DIXDC1: variants seen among roughly 807,000 people sequenced by gnomAD.
The protein encoded by DIXDC1 is DIX domain containing 1, also known as dixin.
DIXDC1 carries 64 observed loss-of-function variants against 103.1 expected under a neutral mutation model. The ratio of observed to expected loss-of-function variants is 0.62; its 90% CI spans 0.51 to 0.76. The LOEUF is 0.76. Among genes scored for constraint, DIXDC1 ranks in the 30% least tolerant of loss-of-function variants. The pLI is 0.00. For missense variants in DIXDC1, 759 were observed against 834.2 expected (o/e 0.91, Z 1.11); for synonymous variants, 266 against 298.5 (o/e 0.89, Z 1.12).
At chr11:111,945,044 C>T (rs587774805) in intron 1 of DIXDC1, among the ~76,000 whole-genome samples, 11 of 152,180 alleles carry the variant, frequency 7.2e-5, no homozygotes, top group African/African-American at 1.2e-4. Context: ...AGGAAGTGGA[C>T]GTTATTGACT....
intron 9 of DIXDC1, among the ~76,000 whole-genome samples, chr11:111,987,956 C>T (rs782053291): frequency 7.9e-5 from 12 of 151,584 alleles, no homozygotes; most frequent in African/African-American, 1.2e-4. Context: ...TGTGCCTGGC[C>T]GACATGAATT....
intron 17 of DIXDC1, among the ~76,000 whole-genome samples, chr11:112,000,658 T>C (rs917579406): frequency 6.7e-6 from 1 of 150,338 alleles, no homozygotes; most frequent in Non-Finnish European, 1.5e-5. Context: ...GATTGTGCCA[T>C]TGCACTCCAG....
At chr11:111,956,165 CTAAAG>C (rs1452522824) in intron 1 of DIXDC1, among the ~76,000 whole-genome samples, 3 of 152,090 alleles carry the variant, frequency 2.0e-5, no homozygotes, top group Non-Finnish European at 4.4e-5. Flanking sequence ...TATGAAGTAT[CTAAAG>C]TAGTCAGTTC....
intron 17 of DIXDC1, among the ~76,000 whole-genome samples, chr11:112,009,502 C>CA (rs1172984418): frequency 5.9e-5 from 9 of 151,670 alleles, no homozygotes; most frequent in East Asian, 5.8e-4. Context: ...AGAGACATAA[C>CA]AAAAAAAAGA....
chr11:111,978,906 C>T (rs1860208967), intron 5 of DIXDC1, among the ~76,000 whole-genome samples: 1 of 152,198 alleles, frequency 6.6e-6, no homozygotes, highest in African/African-American at 2.4e-5. Context: ...TTGTGAATGA[C>T]ATAGTACACT....
chr11:111,982,269 C>T, intron 6 of DIXDC1, 70 bp from the exon 7 acceptor site: 2 of 1,543,992 alleles, frequency 1.3e-6, no homozygotes, highest in East Asian at 2.3e-5. Context: ...TGAACGCTAC[C>T]CTGTGAACGC....
chr11:111,987,847 A>G (rs1860548322), intron 9 of DIXDC1, among the ~76,000 whole-genome samples: 1 of 151,448 alleles, frequency 6.6e-6, no homozygotes, highest in Non-Finnish European at 1.5e-5. Context: ...TTTAGTAGAG[A>G]TGGGGTTTCA....
chr11:112,005,530 A>T (rs59319760), intron 17 of DIXDC1, among the ~76,000 whole-genome samples: 12,535 of 151,988 alleles, frequency 0.082, 1,527 homozygotes, highest in African/African-American at 0.26. Context: ...ACCCTGACTC[A>T]ACAAAAAAAT....
intron 17 of DIXDC1, among the ~76,000 whole-genome samples, chr11:111,997,128 T>G (rs1860927341): frequency 6.6e-6 from 1 of 152,218 alleles, no homozygotes; most frequent in African/African-American, 2.4e-5. Flanking sequence ...AACCAAATAG[T>G]AAAAAGCTGA....
chr11:111,992,560 T>C (rs1830172932), intron 11 of DIXDC1, 41 bp downstream of exon 11: 1 of 1,507,302 alleles, frequency 6.6e-7, no homozygotes, highest in Admixed American at 2.0e-5. Flanking sequence ...TGAGCCCCAT[T>C]AGCAGAACAG....
chr11:111,952,807 G>A (rs1487057136), intron 1 of DIXDC1, among the ~76,000 whole-genome samples: 8 of 149,810 alleles, frequency 5.3e-5, no homozygotes, highest in African/African-American at 2.0e-4. Flanking sequence ...GTGACAGCGT[G>A]AGACTTTGTC....
intron 10 of DIXDC1, among the ~76,000 whole-genome samples, chr11:111,990,529 T>C (rs1388817980): frequency 6.6e-6 from 1 of 152,246 alleles, no homozygotes; most frequent in Non-Finnish European, 1.5e-5. Flanking sequence ...TTCGAGCTCA[T>C]TCTATGTCAG....
At chr11:111,993,774 T>C in intron 14 of DIXDC1, 34 bp downstream of exon 14, 2 of 1,608,926 alleles carry the variant, frequency 1.2e-6, no homozygotes, top group Non-Finnish European at 1.7e-6. Context: ...CTCCCACATT[T>C]ATGAAGCAAA....
intron 1 of DIXDC1, among the ~76,000 whole-genome samples, chr11:111,944,647 T>C (rs1366568017): frequency 1.3e-5 from 2 of 152,222 alleles, no homozygotes; most frequent in Non-Finnish European, 2.9e-5. Flanking sequence ...TTGGAGTGTC[T>C]TGGAGGAAGC....
At chr11:111,951,523 A>G (rs868928627) in intron 1 of DIXDC1, among the ~76,000 whole-genome samples, 12 of 152,200 alleles carry the variant, frequency 7.9e-5, no homozygotes, top group African/African-American at 2.9e-4. Context: ...AAAAAAAACT[A>G]CAGACTAATA....
intron 17 of DIXDC1, among the ~76,000 whole-genome samples, chr11:111,999,075 T>C (rs1386850708): frequency 1.3e-5 from 2 of 152,206 alleles, no homozygotes; most frequent in Non-Finnish European, 2.9e-5. Flanking sequence ...TATTGAAGAA[T>C]TTGAGCATTA....
At chr11:111,941,404 C>T (rs191330568) in intron 1 of DIXDC1, among the ~76,000 whole-genome samples, 3 of 152,202 alleles carry the variant, frequency 2.0e-5, no homozygotes, top group East Asian at 1.9e-4. Flanking sequence ...ATCACTTGTC[C>T]GAACCTTAAG....
chr11:111,992,538 C>G lies in DIXDC1; in HGVS notation c.1218+19C>G, dbSNP rs587752768. ...CCAGAATGTGAGTTAAATGAATGAG[C>G]CTTGACCTCAGTGAGCCCCATTAGC... On this transcript the variant is annotated intron_variant, in intron 11 of 19. Coordinates refer to ENST00000440460, the MANE Select transcript of DIXDC1 (RefSeq NM_001037954.4). 1 of 1,550,030 alleles carries G rather than the reference C, an allele frequency of 6.5e-7. No homozygotes were observed. Among genetic ancestry groups the G allele is most frequent in the Non-Finnish European group, 8.7e-7 (1 of 1,144,218 alleles).
At chr11:111,933,924 C>T (rs145594024), upstream of DIXDC1, among the ~76,000 whole-genome samples, 30 of 152,296 alleles carry the variant, frequency 2.0e-4, no homozygotes, top group African/African-American at 6.3e-4. Flanking sequence ...TTTTAAGGCT[C>T]AAAGTCTTAC....
Sources: gnomAD v4.1 joint callset for allele counts (sites outside exome capture counted in the v4.1 genomes callset) on GRCh38, gnomAD v4.1.1 for gene constraint, MANE v1.5 for transcripts, NCBI Gene and HGNC (gene_info 2026-07-23, HGNC 2026-07-21) for gene names.